OSBPL8: variants seen among roughly 807,000 people sequenced by gnomAD.
OSBPL8 encodes oxysterol binding protein like 8.
In OSBPL8, 59 loss-of-function variants were observed where a neutral mutation model predicts 125.5. The observed-to-expected ratio is 0.47, with a 90% confidence interval of 0.38 to 0.58. The LOEUF (loss-of-function observed/expected upper bound fraction) is 0.58. Among genes scored for constraint, OSBPL8 ranks in the 20% least tolerant of loss-of-function variants. The probability of loss-of-function intolerance (pLI) is 0.00; values close to 1 mark genes in which losing one functional copy is unlikely to be tolerated. For synonymous variants in OSBPL8, 330 were observed against 338.9 expected (o/e 0.97, Z 0.29); for missense variants, 758 against 1,047.8 (o/e 0.72, Z 3.82).
chr12:76,430,541 A>G (rs1352226145), intron 4 of OSBPL8, among the ~76,000 whole-genome samples: 1 of 152,228 alleles, frequency 6.6e-6, no homozygotes, highest in African/African-American at 2.4e-5. Context: ...AAAGCTCTGT[A>G]ACCAATTCTA....
At chr12:76,383,008 T>G (rs923400310) in intron 15 of OSBPL8, among the ~76,000 whole-genome samples, 1 of 152,210 alleles carries the variant, frequency 6.6e-6, no homozygotes, top group Admixed American at 6.5e-5. Flanking sequence ...AATGGTTACA[T>G]GTATTAAAAG....
At chr12:76,481,419 ATTG>A (rs1238576236) in intron 2 of OSBPL8, among the ~76,000 whole-genome samples, 3 of 152,300 alleles carry the variant, frequency 2.0e-5, no homozygotes, top group South Asian at 4.1e-4. Flanking sequence ...TAAAAAAACT[ATTG>A]TTGTTACAGC....
intron 1 of OSBPL8, among the ~76,000 whole-genome samples, chr12:76,492,573 A>G (rs1878833766): frequency 6.6e-6 from 1 of 152,112 alleles, no homozygotes; most frequent in Non-Finnish European, 1.5e-5. Flanking sequence ...TTACCACCTG[A>G]GCTCCGCCTG....
intron 2 of OSBPL8, among the ~76,000 whole-genome samples, chr12:76,486,641 G>C (rs1878164526): frequency 6.6e-6 from 1 of 152,140 alleles, no homozygotes; most frequent in South Asian, 2.1e-4. Context: ...TAATGTATTA[G>C]GTAAGGTATA....
At chr12:76,497,501 G>A (rs1879403959) in intron 1 of OSBPL8, among the ~76,000 whole-genome samples, 1 of 151,638 alleles carries the variant, frequency 6.6e-6, no homozygotes, top group African/African-American at 2.4e-5. Context: ...CCTTTGTTTA[G>A]CTCCACTTAG....
chr12:76,504,597 C>A (rs1226233697), intron 1 of OSBPL8, among the ~76,000 whole-genome samples: 1 of 152,186 alleles, frequency 6.6e-6, no homozygotes, highest in Non-Finnish European at 1.5e-5. Flanking sequence ...TCGACCTAAC[C>A]AACTCCATCT....
At chr12:76,429,851 A>AT (rs933790208) in intron 4 of OSBPL8, among the ~76,000 whole-genome samples, 24 of 150,850 alleles carry the variant, frequency 1.6e-4, no homozygotes, top group Non-Finnish European at 1.9e-4. Flanking sequence ...AGTATCAAGC[A>AT]TTTTTTTGTA....
intron 4 of OSBPL8, chr12:76,422,373 G>C: frequency 2.8e-6 from 1 of 353,580 alleles, no homozygotes; most frequent in Non-Finnish European, 5.6e-6. Flanking sequence ...AAGCTGTTTA[G>C]CAGCAGTTAC....
intron 6 of OSBPL8, among the ~76,000 whole-genome samples, chr12:76,400,709 G>A (rs1284686019): frequency 6.6e-6 from 1 of 151,082 alleles, no homozygotes; most frequent in East Asian, 1.9e-4. Context: ...TTTTTGAGCA[G>A]GAGTTAGTCT....
chr12:76,410,637 TAAAA>T lies in OSBPL8; in HGVS notation c.218-7_218-4del. ...ATCTTCCTTCCCTCTTTCAAAACCT[TAAAA>T]AAATAGTCAGCATATCAGTATTACT... On this transcript the variant is annotated splice_region_variant and splice_polypyrimidine_tract_variant and intron_variant, in intron 4 of 23. Coordinates refer to ENST00000261183, the MANE Select transcript of OSBPL8 (RefSeq NM_020841.5). 1 of 1,587,078 alleles carries T rather than the reference TAAAA, an allele frequency of 6.3e-7. No homozygotes were observed. Among genetic ancestry groups the T allele is most frequent in the Non-Finnish European group, 8.6e-7 (1 of 1,157,330 alleles).
rs1245698520 is a variant in OSBPL8, at chr12:76,353,008, CACAG to C, written c.*2877_*2880del. 6.6e-5 allele frequency: 10 copies of C among 152,480 alleles called. No individual in the cohort carries two copies. The East Asian group carries it at 1.9e-3, about 29-fold the overall frequency. 9.4% of individuals were successfully genotyped at this position (152,480 alleles called of 1,614,324 possible). ...ATAGCTATATAAAAAGAAAGTAACACACAGAAATGACCCTTTTATGACAAGCCTA... is the reference window on the plus strand; with the variant it reads ...ATAGCTATATAAAAAGAAAGTAACACAAATGACCCTTTTATGACAAGCCTA... On this transcript the variant is annotated 3_prime_UTR_variant, in exon 24 of 24. Transcript: ENST00000261183.
intron 15 of OSBPL8, among the ~76,000 whole-genome samples, chr12:76,383,644 A>G (rs1206176874): frequency 6.6e-6 from 1 of 152,064 alleles, no homozygotes; most frequent in Non-Finnish European, 1.5e-5. Context: ...TTGAAATTTA[A>G]TTGTTCTTCT....
At chr12:76,477,546 C>A (rs1011591416) in intron 2 of OSBPL8, among the ~76,000 whole-genome samples, 1 of 151,888 alleles carries the variant, frequency 6.6e-6, no homozygotes, top group Non-Finnish European at 1.5e-5. Flanking sequence ...AAGGTTCATT[C>A]AAAACAAAGA....
At chr12:76,444,313 C>T (rs1205432021) in intron 4 of OSBPL8, among the ~76,000 whole-genome samples, 1 of 152,084 alleles carries the variant, frequency 6.6e-6, no homozygotes, top group African/African-American at 2.4e-5. Flanking sequence ...ATCAAACATA[C>T]CTATTATAAT....
chr12:76,474,447 ATAATT>A (rs1876556567), intron 2 of OSBPL8, among the ~76,000 whole-genome samples: 1 of 152,112 alleles, frequency 6.6e-6, no homozygotes, highest in African/African-American at 2.4e-5. Flanking sequence ...ATATATATAT[ATAATT>A]TAATTTTGTG....
Position 76,371,380 on chromosome 12 carries a change from A to C in OSBPL8, c.2054+68T>G, listed in dbSNP as rs542395737. ...TATGACAGAAGGTGACAAAATGACCATATCATTAAGGAATTGAAAAACTAC... is the reference window on the plus strand; with the variant it reads ...TATGACAGAAGGTGACAAAATGACCCTATCATTAAGGAATTGAAAAACTAC... On this transcript the variant is annotated intron_variant, in intron 19 of 23. Coordinates refer to ENST00000261183, the MANE Select transcript of OSBPL8 (RefSeq NM_020841.5). 6.9e-6 allele frequency: 10 copies of C among 1,438,862 alleles called. No individual in the cohort carries two copies. The South Asian group carries it at 1.5e-4, about 21-fold the overall frequency. The allele number at this position is 1,438,862 out of a possible 1,614,324, so 89.1% of individuals were successfully genotyped here. A position where few individuals can be genotyped will look rare whatever the true frequency, so the allele number is the denominator to read the frequency against.
At chr12:76,471,951 T>C (rs1394056573) in intron 2 of OSBPL8, among the ~76,000 whole-genome samples, 2 of 152,248 alleles carry the variant, frequency 1.3e-5, no homozygotes, top group Non-Finnish European at 2.9e-5. Flanking sequence ...ACTTTTTTGA[T>C]ACTGACTTTT....
intron 4 of OSBPL8, among the ~76,000 whole-genome samples, chr12:76,437,667 C>T (rs1871633668): frequency 6.6e-6 from 1 of 152,004 alleles, no homozygotes; most frequent in Non-Finnish European, 1.5e-5. Flanking sequence ...TAAGAATGGT[C>T]TTATCAAGTA....
At chr12:76,373,252 C>T in intron 18 of OSBPL8, 92 bp downstream of exon 18, 1 of 792,714 alleles carries the variant, frequency 1.3e-6, no homozygotes, top group Non-Finnish European at 2.0e-6. Context: ...GTGATGTTTT[C>T]AGCAACGGAA....
Sources: gnomAD v4.1 joint callset for allele counts (sites outside exome capture counted in the v4.1 genomes callset) on GRCh38, gnomAD v4.1.1 for gene constraint, MANE v1.5 for transcripts, NCBI Gene and HGNC (gene_info 2026-07-23, HGNC 2026-07-21) for gene names.